Variants in FNBP1 observed in about 807,000 individuals in gnomAD.
FNBP1 encodes formin binding protein 1, also known as formin-binding protein 1.
In FNBP1, 26 loss-of-function variants were observed where a neutral mutation model predicts 90.6. That is an observed-to-expected ratio of 0.29 (90% CI 0.21 to 0.40). The LOEUF (loss-of-function observed/expected upper bound fraction) is 0.40, where lower values mean the gene tolerates loss of function less well. Among genes scored for constraint, FNBP1 ranks in the 10% least tolerant of loss-of-function variants. FNBP1 has a pLI of 1.00. For missense variants in FNBP1, 635 were observed against 768.0 expected (o/e 0.83, Z 2.05); for synonymous variants, 260 against 265.2 (o/e 0.98, Z 0.19).
intron 1 of FNBP1, among the ~76,000 whole-genome samples, chr9:130,029,273 A>T (rs13285370): frequency 0.12 from 18,458 of 151,762 alleles, 1,496 homozygotes; most frequent in Non-Finnish European, 0.17. Context: ...CTCCCAACTC[A>T]GCCACCTCTG....
Position 129,889,484 on chromosome 9 carries a change from C to T in FNBP1, c.*1055G>A, listed in dbSNP as rs1383435818. ...ATTTGGGAGGCTGAGGCAGGAGAAT[C>T]GCTGGAACCCAGGAGGTGGAGGTTG... On this transcript the variant is annotated 3_prime_UTR_variant, in exon 17 of 17. Coordinates refer to ENST00000446176, the MANE Select transcript of FNBP1 (RefSeq NM_015033.3). 4 of 184,940 alleles carry T rather than the reference C, an allele frequency of 2.2e-5. No individual in the cohort carries two copies. Among genetic ancestry groups the T allele is most frequent in the African/African-American group, 2.4e-5 (1 of 42,200 alleles). The allele number at this position is 184,940 out of a possible 1,614,324, so 11.5% of individuals were successfully genotyped here. A position where few individuals can be genotyped will look rare whatever the true frequency, so the allele number is the denominator to read the frequency against.
intron 2 of FNBP1, among the ~76,000 whole-genome samples, chr9:129,986,335 GA>G (rs2052239067): frequency 6.6e-6 from 1 of 151,924 alleles, no homozygotes; most frequent in Non-Finnish European, 1.5e-5. Flanking sequence ...AATACTATGG[GA>G]TAAAATAAAA....
intron 6 of FNBP1, among the ~76,000 whole-genome samples, chr9:129,935,625 C>A (rs915061424): frequency 6.6e-6 from 1 of 152,068 alleles, no homozygotes; most frequent in Non-Finnish European, 1.5e-5. Context: ...GTAGCTGGGA[C>A]TACAGGTGCC....
At chr9:130,038,212 G>A (rs1200960875) in intron 1 of FNBP1, among the ~76,000 whole-genome samples, 5 of 151,698 alleles carry the variant, frequency 3.3e-5, no homozygotes, top group South Asian at 2.1e-4. Flanking sequence ...AAAATTAGCC[G>A]GGCGTGGTGG....
rs1354721642 is a variant in FNBP1 at position 129,978,545 on chromosome 9, C to T, written c.265G>A (p.Val89Ile). 2.5e-6 allele frequency: 4 copies of T among 1,613,666 alleles called. No homozygotes were observed. In the African/African-American group the frequency reaches 4.0e-5, roughly 16 times the overall value. ...EMNDYAGQHEVISENMASQII... is the reference protein window; with the variant it reads ...EMNDYAGQHEIISENMASQII... ...TGTGATGCCATGTTCTCGGAGATAA[C>T]TTCATGCTGCCCTGCGTAATCATTC... Residue 89 changes from valine (V) to isoleucine (I), a missense_variant, in exon 4 of 17, where the codon GTT becomes ATT. Val to Ile is a conservative substitution (Grantham distance 29). Transcript: ENST00000446176.
chr9:129,998,196 G>GAA lies in FNBP1; in HGVS notation c.25-3240_25-3239dup, dbSNP rs35148774. Among the ~76,000 whole-genome samples, 35 of 33,750 alleles carry GAA rather than the reference G, an allele frequency of 1.0e-3. 3 individuals are homozygous for GAA. The highest frequency in any genetic ancestry group is 2.9e-3 in the African/African-American group (24 of 8,220). 22.1% of individuals were successfully genotyped at this position (33,750 alleles called of 152,430 possible). A position where few individuals can be genotyped will look rare whatever the true frequency, so the allele number is the denominator to read the frequency against. ...GGGCGAAAGACAGAGACTCTGTCTC[G>GAA]AAAAAAAAAAAAAAAGAAAAAAAAT... On this transcript the variant is annotated intron_variant, in intron 1 of 16. Coordinates refer to ENST00000446176, the MANE Select transcript of FNBP1 (RefSeq NM_015033.3).
At chr9:129,982,045 T>C (rs1264372839) in intron 2 of FNBP1, among the ~76,000 whole-genome samples, 1 of 152,204 alleles carries the variant, frequency 6.6e-6, no homozygotes, top group Non-Finnish European at 1.5e-5. Context: ...AAAAAGCAAT[T>C]ATTTCCTTAA....
intron 1 of FNBP1, among the ~76,000 whole-genome samples, chr9:130,038,882 G>C (rs888536541): frequency 6.6e-6 from 1 of 152,148 alleles, no homozygotes; most frequent in African/African-American, 2.4e-5. Context: ...GAATAATTAC[G>C]AGGAAGGCTT....
At chr9:129,942,289 G>T (rs1474216412) in intron 6 of FNBP1, among the ~76,000 whole-genome samples, 1 of 152,184 alleles carries the variant, frequency 6.6e-6, no homozygotes, top group African/African-American at 2.4e-5. Flanking sequence ...CAAAAGGAGT[G>T]ACATGGAAGA....
At chr9:129,937,729 CA>C (rs879920794) in intron 6 of FNBP1, among the ~76,000 whole-genome samples, 2,015 of 122,102 alleles carry the variant, frequency 0.017, 9 homozygotes, top group Non-Finnish European at 0.023. Flanking sequence ...GACTCCGTCT[CA>C]AAAAAAAAAA....
chr9:129,955,516 A>C (rs1564423844), intron 6 of FNBP1, among the ~76,000 whole-genome samples: 1 of 151,438 alleles, frequency 6.6e-6, no homozygotes. Flanking sequence ...GATTATAGGC[A>C]TGAGCCCATA....
chr9:129,995,433 T>G (rs1366626501), intron 1 of FNBP1, among the ~76,000 whole-genome samples: 2 of 152,196 alleles, frequency 1.3e-5, no homozygotes, highest in African/African-American at 2.4e-5. Context: ...GATTTTATTC[T>G]TCCAAACATA....
chr9:129,950,834 C>T (rs1387074726), intron 6 of FNBP1, among the ~76,000 whole-genome samples: 1 of 152,100 alleles, frequency 6.6e-6, no homozygotes. Context: ...TGCTCTGTCA[C>T]CCAGGCTGGA....
At chr9:130,024,019 T>A (rs1478194114) in intron 1 of FNBP1, among the ~76,000 whole-genome samples, 1 of 152,150 alleles carries the variant, frequency 6.6e-6, no homozygotes, top group Admixed American at 6.6e-5. Flanking sequence ...AACCTTTAGG[T>A]TGGCTTACAT....
chr9:129,894,629 G>A (rs1053142109), intron 16 of FNBP1, among the ~76,000 whole-genome samples: 3 of 152,208 alleles, frequency 2.0e-5, no homozygotes, highest in Non-Finnish European at 2.9e-5. Flanking sequence ...CTGGGCAAGC[G>A]TGAGTGCAGC....
Position 129,993,867 on chromosome 9 carries a change from C to T in FNBP1, c.140+976G>A, listed in dbSNP as rs567588120. Among the ~76,000 whole-genome samples, 6 of 152,192 alleles carry T rather than the reference C, an allele frequency of 3.9e-5. No homozygotes were observed. In the East Asian group the frequency reaches 7.7e-4, roughly 20 times the overall value. ...CTCGAACTCCTGACCTCAGGCAATC[C>T]GCCCACCTTTGCCTCCCAAAGTGCT... On this transcript the variant is annotated intron_variant, in intron 2 of 16. Coordinates refer to ENST00000446176, the MANE Select transcript of FNBP1 (RefSeq NM_015033.3).
At chr9:129,892,617 G>A (rs2035235120) in intron 16 of FNBP1, among the ~76,000 whole-genome samples, 1 of 152,110 alleles carries the variant, frequency 6.6e-6, no homozygotes, top group Non-Finnish European at 1.5e-5. Context: ...AATAAAAGGA[G>A]AAAATTATAT....
At position 129,966,162 on chromosome 9, in the gene FNBP1, GT is replaced by G. The variant is rs2048606406; in HGVS notation, c.346-7610del. On this transcript the variant is annotated intron_variant, in intron 4 of 16. Coordinates refer to ENST00000446176, the MANE Select transcript of FNBP1 (RefSeq NM_015033.3). This position sits in a 1 kb window ranked among gnomAD's most constrained non-coding sequence, Gnocchi z 4.3. ...TAAGGAGGGATGGGTGTAGGTGAAGGTAGCTATTTTAGACAAGGGCAGTCTG... is the reference window on the plus strand; with the variant it reads ...TAAGGAGGGATGGGTGTAGGTGAAGGAGCTATTTTAGACAAGGGCAGTCTG... Among the ~76,000 whole-genome samples the G allele has an allele frequency of 6.6e-6, 1 of 152,178 alleles. No individual in the cohort carries two copies. The highest frequency in any genetic ancestry group is 2.1e-4 in the South Asian group (1 of 4,832).
chr9:129,959,885 G>A (rs1475560764), intron 4 of FNBP1, among the ~76,000 whole-genome samples: 1 of 152,088 alleles, frequency 6.6e-6, no homozygotes, highest in African/African-American at 2.4e-5. Flanking sequence ...TATTCTGGCT[G>A]TTTCCTATGA....
Sources: allele counts gnomAD v4.1 joint callset (sites outside exome capture counted in the v4.1 genomes callset), GRCh38; gene constraint gnomAD v4.1.1; non-coding constraint Gnocchi (gnomAD v3.1); transcripts MANE v1.5; gene names NCBI Gene and HGNC (gene_info 2026-07-23, HGNC 2026-07-21).